MALRD1: variants seen among roughly 807,000 people sequenced by gnomAD.
The protein encoded by MALRD1 is MAM and LDL-receptor class A domain-containing protein 1.
A neutral mutation model predicts 242.1 loss-of-function variants in MALRD1; 247 were observed. The observed-to-expected ratio is 1.02, with a 90% CI of 0.92 to 1.13. The LOEUF (loss-of-function observed/expected upper bound fraction) is 1.13. Ranked by LOEUF, MALRD1 falls within the 50% of genes most tolerant of loss-of-function variation. MALRD1 has a pLI of 0.00. For synonymous variants in MALRD1, 995 were observed against 866.6 expected, an observed-to-expected ratio of 1.15 and a Z score of -2.60; for missense variants, 2,989 against 2,533.1, an observed-to-expected ratio of 1.18 and a Z score of -3.86.
intron 11 of MALRD1, among the ~76,000 whole-genome samples, chr10:19,153,675 C>T (rs1834023151): frequency 6.7e-6 from 1 of 150,196 alleles, no homozygotes; most frequent in Non-Finnish European, 1.5e-5. Context: ...GGTGACAGAG[C>T]CAGACCCTGT....
chr10:19,101,428 T>C (rs965804880), intron 4 of MALRD1, among the ~76,000 whole-genome samples: 24 of 139,394 alleles, frequency 1.7e-4, no homozygotes, highest in African/African-American at 6.2e-4. Context: ...TATAATAATA[T>C]ATAATATAAT....
At chr10:19,631,820 ACTT>A in intron 36 of MALRD1, among the ~76,000 whole-genome samples, 1 of 152,170 alleles carries the variant, frequency 6.6e-6, no homozygotes, top group Non-Finnish European at 1.5e-5. Flanking sequence ...TCATTTGCCC[ACTT>A]CTTAGTGGGG....
In MALRD1 at chr10:19,665,437, G is replaced by T. The variant is rs369752107; in HGVS notation, c.6138-26845G>T. On this transcript the variant is annotated intron_variant, in intron 36 of 39. Transcript: ENST00000454679. ...TTCTCGTACCAGAAGCAGAGCAGGG[G>T]TAGGACCTTCCTAAGGGGAATTTAT... Among the ~76,000 whole-genome samples, 79 of 152,228 alleles carry T rather than the reference G, an allele frequency of 5.2e-4. 2 individuals carry two copies. Among genetic ancestry groups the T allele is most frequent in the African/African-American group, 1.8e-3 (74 of 41,540 alleles).
At chr10:19,469,954 T>C (rs1836414365) in intron 29 of MALRD1, among the ~76,000 whole-genome samples, 1 of 152,054 alleles carries the variant, frequency 6.6e-6, no homozygotes, top group Admixed American at 6.5e-5. Context: ...CTTTTTATGG[T>C]AAAAACACTA....
intron 19 of MALRD1, among the ~76,000 whole-genome samples, chr10:19,263,597 T>A (rs926344489): frequency 6.6e-6 from 1 of 152,198 alleles, no homozygotes; most frequent in African/African-American, 2.4e-5. Flanking sequence ...CTTTCTCTTG[T>A]TGTGATTTTT....
At chr10:19,665,687 C>G (rs1218624482) in intron 36 of MALRD1, among the ~76,000 whole-genome samples, 1 of 152,052 alleles carries the variant, frequency 6.6e-6, no homozygotes. Context: ...TTAACTTAAA[C>G]ATTAACTTCT....
intron 31 of MALRD1, among the ~76,000 whole-genome samples, chr10:19,501,806 A>AGG (rs1837985058): frequency 6.6e-6 from 1 of 152,016 alleles, no homozygotes; most frequent in African/African-American, 2.4e-5. Context: ...CTGAGGCAGG[A>AGG]GGATTGCTTG....
chr10:19,088,580 TATTTA>T (rs1835766593), intron 4 of MALRD1, among the ~76,000 whole-genome samples: 16 of 109,646 alleles, frequency 1.5e-4, no homozygotes, highest in African/African-American at 5.0e-4. Context: ...TTTATTTATT[TATTTA>T]TTTATTTTTT....
chr10:19,524,214 C>A (rs374109011), intron 31 of MALRD1, among the ~76,000 whole-genome samples: 30 of 152,248 alleles, frequency 2.0e-4, no homozygotes, highest in African/African-American at 6.0e-4. Context: ...CAGTGACTCA[C>A]GCCTGTAATT....
At chr10:19,562,702 C>A (rs993303446) in intron 32 of MALRD1, among the ~76,000 whole-genome samples, 1 of 152,080 alleles carries the variant, frequency 6.6e-6, no homozygotes, top group Non-Finnish European at 1.5e-5. Flanking sequence ...AACCAGTTTG[C>A]ACAGCAGAAG....
chr10:19,412,235 G>C (rs1162767233), intron 28 of MALRD1, among the ~76,000 whole-genome samples: 2 of 152,200 alleles, frequency 1.3e-5, no homozygotes, highest in African/African-American at 2.4e-5. Flanking sequence ...AGGTTGCAGT[G>C]AGCCGAAATC....
At chr10:19,441,059 C>G (rs1834617158) in intron 28 of MALRD1, among the ~76,000 whole-genome samples, 1 of 152,088 alleles carries the variant, frequency 6.6e-6, no homozygotes, top group East Asian at 1.9e-4. Context: ...GATGGTATCC[C>G]ATTGTGGTTT....
intron 8 of MALRD1, among the ~76,000 whole-genome samples, chr10:19,130,707 T>G (rs904881521): frequency 6.6e-6 from 1 of 152,150 alleles, no homozygotes; most frequent in African/African-American, 2.4e-5. Flanking sequence ...GTATATGTAT[T>G]TTGTAATTAT....
At chr10:19,204,508 T>C in intron 16 of MALRD1, 95 bp downstream of exon 16, 1 of 788,012 alleles carries the variant, frequency 1.3e-6, no homozygotes, top group Admixed American at 3.3e-5. Flanking sequence ...ATTTCTGTGG[T>C]TTACTGCTGG....
intron 22 of MALRD1, among the ~76,000 whole-genome samples, chr10:19,325,869 T>C (rs541151766): frequency 6.6e-6 from 1 of 152,256 alleles, no homozygotes; most frequent in East Asian, 1.9e-4. Context: ...AACTGCTAGG[T>C]CATACGTTTT....
In MALRD1 at chr10:19,048,861, A is replaced by G; in HGVS notation, c.-78A>G. The G allele has an allele frequency of 9.1e-7, 1 of 1,101,720 alleles. No individual in the cohort carries two copies. Among genetic ancestry groups the G allele is most frequent in the African/African-American group, 1.6e-5 (1 of 61,966 alleles). 68.2% of individuals were successfully genotyped at this position (1,101,720 alleles called of 1,614,324 possible). On this transcript the variant is annotated 5_prime_UTR_variant, in exon 1 of 40. Transcript: ENST00000454679. ...AAGAAGCAAATCTGGGAAAGGAAGA[A>G]TAGAGAAATAAAAGAATGTTTCCAA...
chr10:19,155,742 A>G (rs534085205), intron 12 of MALRD1, among the ~76,000 whole-genome samples: 1 of 152,344 alleles, frequency 6.6e-6, no homozygotes, highest in South Asian at 2.1e-4. Context: ...CACCAGAAAC[A>G]TACATGATTG....
intron 28 of MALRD1, among the ~76,000 whole-genome samples, chr10:19,408,700 A>G (rs7898658): frequency 0.62 from 94,617 of 151,906 alleles, 29,945 homozygotes; most frequent in Non-Finnish European, 0.68. Flanking sequence ...TTAGAGGAAT[A>G]CAAGGTAAAT....
intron 31 of MALRD1, among the ~76,000 whole-genome samples, chr10:19,511,159 A>G (rs1034760080): frequency 6.6e-6 from 1 of 152,216 alleles, no homozygotes; most frequent in Non-Finnish European, 1.5e-5. Context: ...ATGCTCATTT[A>G]CAGCTAGAAA....
Sources: gnomAD v4.1 joint callset for allele counts (sites outside exome capture counted in the v4.1 genomes callset) on GRCh38, gnomAD v4.1.1 for gene constraint, MANE v1.5 for transcripts, NCBI Gene and HGNC (gene_info 2026-07-23, HGNC 2026-07-21) for gene names.